MLIP: variants seen among roughly 807,000 people sequenced by gnomAD.
The protein encoded by MLIP is muscular LMNA interacting protein, also known as muscular LMNA-interacting protein.
Under a neutral mutation model 84.8 loss-of-function variants are expected in MLIP, and 79 were observed. The ratio of observed to expected loss-of-function variants is 0.93; its 90% CI spans 0.78 to 1.12. The LOEUF is 1.12. Among genes scored for constraint, MLIP ranks in the 50% most tolerant of loss-of-function variants. The pLI, the probability that MLIP is intolerant of heterozygous loss-of-function variation, is 0.00. For synonymous variants in MLIP, 504 were observed against 463.0 expected (o/e 1.09, Z -1.14); for missense variants, 1,257 against 1,160.6 (o/e 1.08, Z -1.21).
At chr6:54,136,293 T>C (rs561263514) in intron 3 of MLIP, among the ~76,000 whole-genome samples, 3 of 152,320 alleles carry the variant, frequency 2.0e-5, no homozygotes, top group East Asian at 3.9e-4. Flanking sequence ...TTAAGACTTG[T>C]AGTCGTTATT....
intron 9 of MLIP, among the ~76,000 whole-genome samples, chr6:54,176,605 T>G (rs1397353331): frequency 1.3e-5 from 2 of 152,106 alleles, no homozygotes; most frequent in African/African-American, 4.8e-5. Context: ...AGAATCAATA[T>G]TGGGAAAATG....
intron 1 of MLIP, among the ~76,000 whole-genome samples, chr6:54,056,625 C>T (rs1341261460): frequency 2.6e-5 from 4 of 152,150 alleles, no homozygotes; most frequent in Non-Finnish European, 5.9e-5. Context: ...GAAAAATCCC[C>T]AATCTTCTAT....
At chr6:54,168,358 G>A (rs1291444809) in intron 8 of MLIP, among the ~76,000 whole-genome samples, 1 of 151,746 alleles carries the variant, frequency 6.6e-6, no homozygotes, top group African/African-American at 2.4e-5. Context: ...ACATCTAGGT[G>A]TTCCAGAAAA....
intron 9 of MLIP, among the ~76,000 whole-genome samples, chr6:54,173,782 A>G (rs1257420824): frequency 1.3e-5 from 2 of 151,912 alleles, no homozygotes; most frequent in African/African-American, 4.8e-5. Flanking sequence ...ATTATTGACT[A>G]TAGTCAATTA....
chr6:54,226,637 A>AAAACAAAC (rs146772853), intron 11 of MLIP, among the ~76,000 whole-genome samples: 16 of 151,520 alleles, frequency 1.1e-4, no homozygotes, highest in Admixed American at 7.9e-4. Context: ...AACAGGAAAT[A>AAAACAAAC]AAACAAACAA....
At chr6:54,175,005 T>C (rs1238569214) in intron 9 of MLIP, among the ~76,000 whole-genome samples, 1 of 151,968 alleles carries the variant, frequency 6.6e-6, no homozygotes, top group Admixed American at 6.6e-5. Flanking sequence ...TTGAAAAGAC[T>C]ATCTTTTCCT....
At chr6:54,193,325 G>T (rs758222077) in intron 10 of MLIP, among the ~76,000 whole-genome samples, 81 of 152,172 alleles carry the variant, frequency 5.3e-4, no homozygotes, top group Non-Finnish European at 1.1e-3. Flanking sequence ...TTATTGTGAG[G>T]CTCACATATC....
intron 13 of MLIP, among the ~76,000 whole-genome samples, chr6:54,262,319 G>T (rs1582661170): frequency 1.3e-5 from 2 of 152,144 alleles, no homozygotes; most frequent in South Asian, 2.1e-4. Context: ...TCTGCTAATA[G>T]ACTGCAAAGA....
chr6:54,054,251 A>C (rs1016922844), intron 1 of MLIP, among the ~76,000 whole-genome samples: 8 of 152,156 alleles, frequency 5.3e-5, no homozygotes, highest in Non-Finnish European at 8.8e-5. Context: ...CCCGGCAAGC[A>C]GCTTAGAGTC....
chr6:54,250,923 A>G (rs1376254072), intron 12 of MLIP, among the ~76,000 whole-genome samples: 1 of 151,990 alleles, frequency 6.6e-6, no homozygotes, highest in Non-Finnish European at 1.5e-5. Flanking sequence ...TTCCTAACAC[A>G]TTATTTTGTG....
intron 11 of MLIP, among the ~76,000 whole-genome samples, chr6:54,214,034 A>G (rs1779681473): frequency 6.6e-6 from 1 of 152,184 alleles, no homozygotes; most frequent in Admixed American, 6.5e-5. Flanking sequence ...TCTTTACAGT[A>G]AGTCACAAAT....
chr6:54,085,878 G>A (rs572311663), intron 1 of MLIP, among the ~76,000 whole-genome samples: 1 of 152,274 alleles, frequency 6.6e-6, no homozygotes, highest in South Asian at 2.1e-4. Context: ...AGGCTATGAA[G>A]TTCCAGCTTG....
At chr6:54,257,267 C>T in intron 12 of MLIP, 41 bp from the exon 13 acceptor site, 1 of 1,466,496 alleles carries the variant, frequency 6.8e-7, no homozygotes, top group Non-Finnish European at 9.5e-7. Flanking sequence ...TTTTTTCTCA[C>T]TTCTACTCCT....
intron 5 of MLIP, 108 bp downstream of exon 5, chr6:54,149,235 T>G: frequency 1.1e-6 from 1 of 929,334 alleles, no homozygotes; most frequent in Non-Finnish European, 1.7e-6. Context: ...CTGCCTTTAC[T>G]AAAATAACAT....
chr6:54,035,753 T>C (rs9464017), intron 1 of MLIP, among the ~76,000 whole-genome samples: 4,204 of 152,166 alleles, frequency 0.028, 185 homozygotes, highest in African/African-American at 0.094. Flanking sequence ...ATTTGCCATA[T>C]GTATATCTTT....
rs567787858 is a variant in MLIP, at chr6:54,131,793, T to C, written c.646-4922T>C. Among the ~76,000 whole-genome samples the C allele has an allele frequency of 5.9e-5, 9 of 152,336 alleles. No homozygotes were observed. In the South Asian group the frequency reaches 1.9e-3, roughly 32 times the overall value. Reference sequence around the variant, plus strand: ...ACAAACCATGCCAGCATTTAGTGTTTTAAAACACAATATTTTATTTAGCTC... The same window carrying C: ...ACAAACCATGCCAGCATTTAGTGTTCTAAAACACAATATTTTATTTAGCTC... On this transcript the variant is annotated intron_variant, in intron 3 of 13. Transcript: ENST00000502396.
At position 54,122,852 on chromosome 6, in the gene MLIP, C is replaced by A. The variant is rs147214021; in HGVS notation, c.252+1250C>A. ...TCTGCTGATTGCAATGATATATATA[C>A]AACCACATCTTTAAAAGATTTTTCA... On this transcript the variant is annotated intron_variant, in intron 2 of 13. Transcript: ENST00000502396. 3.3e-3 allele frequency among the ~76,000 whole-genome samples: 505 copies of A among 152,256 alleles called. 4 individuals carry two copies. The highest frequency in any genetic ancestry group is 0.011 in the African/African-American group (448 of 41,546).
At chr6:54,153,197 A>G (rs1353457814) in intron 5 of MLIP, among the ~76,000 whole-genome samples, 1 of 149,942 alleles carries the variant, frequency 6.7e-6, no homozygotes, top group African/African-American at 2.4e-5. Context: ...TAGGAAAAAC[A>G]TTTTTTTTTG....
chr6:54,180,235 C>A (rs182419116), intron 9 of MLIP, among the ~76,000 whole-genome samples: 81 of 152,246 alleles, frequency 5.3e-4, no homozygotes, highest in Non-Finnish European at 9.3e-4. Context: ...TCTCTTTCTA[C>A]TTTTATGATC....
Sources: gnomAD v4.1 joint callset for allele counts (sites outside exome capture counted in the v4.1 genomes callset) on GRCh38, gnomAD v4.1.1 for gene constraint, MANE v1.5 for transcripts, NCBI Gene and HGNC (gene_info 2026-07-23, HGNC 2026-07-21) for gene names.